N4BP2: variants seen among roughly 807,000 people sequenced by gnomAD.
N4BP2 encodes NEDD4 binding protein 2.
A neutral mutation model predicts 152.8 loss-of-function variants in N4BP2; 91 were observed. That is an observed-to-expected ratio of 0.60 (90% CI 0.50 to 0.71). The LOEUF (loss-of-function observed/expected upper bound fraction) is 0.71. Among genes scored for constraint, N4BP2 ranks in the 30% least tolerant of loss-of-function variants. The probability of loss-of-function intolerance (pLI) is 0.00; values close to 1 mark genes in which losing one functional copy is unlikely to be tolerated. For synonymous variants in N4BP2, 646 were observed against 705.3 expected (o/e 0.92, Z 1.33); for missense variants, 1,923 against 2,059.1 (o/e 0.93, Z 1.28).
chr4:40,118,147 G>GAGCCACCACACCCA, intron 8 of N4BP2, 123 bp downstream of exon 8: 3 of 789,624 alleles, frequency 3.8e-6, no homozygotes, highest in Non-Finnish European at 5.4e-6. Flanking sequence ...GGCTGGGTGT[G>GAGCCACCACACCCA]GTGGCTCACA....
chr4:40,101,316 T>C (rs180744059), intron 3 of N4BP2, among the ~76,000 whole-genome samples: 259 of 152,244 alleles, frequency 1.7e-3, no homozygotes, highest in African/African-American at 5.8e-3. Flanking sequence ...GCCGCCACTA[T>C]GCCCAGCTAA....
chr4:40,131,292 C>T (rs1718882717), intron 12 of N4BP2, among the ~76,000 whole-genome samples: 1 of 152,158 alleles, frequency 6.6e-6, no homozygotes, highest in Non-Finnish European at 1.5e-5. Context: ...TTGCTTTGGC[C>T]ACTAAGAGTC....
In N4BP2 at chr4:40,155,965, G is replaced by A. The variant is rs138170975; in HGVS notation, c.*1728G>A. ...TGAAGTATTATTCACACTTATGTTT[G>A]TAATAATTTATTTAAAGAATGCCAA... On this transcript the variant is annotated 3_prime_UTR_variant, in exon 18 of 18. Coordinates refer to ENST00000261435, the MANE Select transcript of N4BP2 (RefSeq NM_018177.6). The A allele has an allele frequency of 2.6e-5, 4 of 152,110 alleles. No homozygotes were observed. The highest frequency in any genetic ancestry group is 5.9e-5 in the Non-Finnish European group (4 of 68,006). 9.4% of individuals were successfully genotyped at this position (152,110 alleles called of 1,614,324 possible). A position where few individuals can be genotyped will look rare whatever the true frequency, so the allele number is the denominator to read the frequency against.
rs772151059 is a variant in N4BP2, at chr4:40,152,766, T to C, written c.5144-14T>C. On this transcript the variant is annotated splice_polypyrimidine_tract_variant and intron_variant, in intron 16 of 17. Coordinates refer to ENST00000261435, the MANE Select transcript of N4BP2 (RefSeq NM_018177.6). ...ATAAATGAATTTTAACTCCCCTGATTTCTGTTGTAACAGAATTTAAGCAGA... is the reference window on the plus strand; with the variant it reads ...ATAAATGAATTTTAACTCCCCTGATCTCTGTTGTAACAGAATTTAAGCAGA... 1.9e-6 allele frequency: 3 copies of C among 1,613,478 alleles called. No individual in the cohort carries two copies. The African/African-American group carries it at 4.0e-5, about 22-fold the overall frequency.
chr4:40,104,876 C>T (rs1327380727), intron 4 of N4BP2, among the ~76,000 whole-genome samples: 3 of 150,800 alleles, frequency 2.0e-5, no homozygotes, highest in Non-Finnish European at 4.4e-5. Flanking sequence ...GCGATCTCGG[C>T]TCACTGCAAG....
chr4:40,135,712 G>A (rs993794568), intron 13 of N4BP2, among the ~76,000 whole-genome samples: 8 of 152,262 alleles, frequency 5.3e-5, no homozygotes, highest in Admixed American at 3.9e-4. Context: ...ACAGGCGCCC[G>A]CCACCATGCC....
rs1409173035 is a variant in N4BP2, at chr4:40,102,554, A to G, written c.709A>G (p.Ser237Gly). ...FIKDNTLALE[S>G]NYPEDSLLSS... ...AAAGGATAACACATTGGCTTTGGAA[A>G]GTAACTACCCGGAAGATTCTCTTCT... Residue 237 changes from serine to glycine, a missense_variant, in exon 4 of 18, where the codon AGT (serine) becomes GGT (glycine). Transcript: ENST00000261435. The G allele has an allele frequency of 3.7e-6, 6 of 1,614,234 alleles. No homozygotes were observed. Among genetic ancestry groups the G allele is most frequent in the Middle Eastern group, 1.6e-4 (1 of 6,062 alleles).
At chr4:40,134,896 C>T (rs76067319) in intron 13 of N4BP2, among the ~76,000 whole-genome samples, 25,732 of 113,002 alleles carry the variant, frequency 0.23, 2,935 homozygotes, top group Admixed American at 0.32. Context: ...TCCCTTCCTT[C>T]CTTCCTTTCT....
chr4:40,165,389 C>T, the N4BP2 span, among the ~76,000 whole-genome samples: 1 of 152,122 alleles, frequency 6.6e-6, no homozygotes, highest in African/African-American at 2.4e-5. Context: ...GCTAGAACTA[C>T]AGGTGTGCGG....
At chr4:40,060,946 AT>A (rs946005526) in intron 1 of N4BP2, among the ~76,000 whole-genome samples, 1 of 151,976 alleles carries the variant, frequency 6.6e-6, no homozygotes, top group Non-Finnish European at 1.5e-5. Flanking sequence ...TCCTTTGATC[AT>A]GTATTAGCTG....
chr4:40,082,777 T>G (rs931260710), intron 2 of N4BP2, among the ~76,000 whole-genome samples: 2 of 151,884 alleles, frequency 1.3e-5, no homozygotes, highest in African/African-American at 4.8e-5. Context: ...CTCGGCTGAC[T>G]GCAAGCTCTG....
intron 16 of N4BP2, among the ~76,000 whole-genome samples, chr4:40,147,324 C>T (rs1720638033): frequency 6.6e-6 from 1 of 152,264 alleles, no homozygotes; most frequent in Non-Finnish European, 1.5e-5. Flanking sequence ...TCTACACAGA[C>T]ACAGCGACCA....
the N4BP2 span, among the ~76,000 whole-genome samples, chr4:40,175,552 G>A: frequency 6.6e-6 from 1 of 152,154 alleles, no homozygotes; most frequent in Admixed American, 6.5e-5. Context: ...GGGTCACTGA[G>A]GCTCATGCCT....
intron 1 of N4BP2, among the ~76,000 whole-genome samples, chr4:40,063,791 G>T (rs936577409): frequency 9.9e-5 from 15 of 151,842 alleles, no homozygotes; most frequent in African/African-American, 3.6e-4. Flanking sequence ...TTACAGGTGT[G>T]CATCACCACA....
chr4:40,062,900 G>A (rs1036965364), intron 1 of N4BP2, among the ~76,000 whole-genome samples: 1 of 152,110 alleles, frequency 6.6e-6, no homozygotes, highest in Non-Finnish European at 1.5e-5. Context: ...AGCACTCCAT[G>A]TTCTTTTATT....
the N4BP2 span, among the ~76,000 whole-genome samples, chr4:40,188,901 T>C: frequency 9.2e-5 from 14 of 152,078 alleles, no homozygotes; most frequent in Admixed American, 2.6e-4. Context: ...TCCCAACATT[T>C]TGGGAGGCCG....
In N4BP2 at chr4:40,102,359, A is replaced by C; in HGVS notation, c.514A>C (p.Ser172Arg). Residue 172 changes from serine to arginine, a missense_variant, in exon 4 of 18, where the codon AGT (serine) becomes CGT (arginine). Physicochemically the swap from Ser to Arg is moderately radical, Grantham distance 110 (BLOSUM62 -1). Coordinates refer to ENST00000261435, the MANE Select transcript of N4BP2 (RefSeq NM_018177.6). ...YSFLPSQDVN[S>R]FNDSSEFINP... ...ATTTTTGCCTTCACAAGATGTTAAT[A>C]GTTTTAATGACTCAAGTGAGTTTAT... The C allele has an allele frequency of 6.2e-7, 1 of 1,613,230 alleles. No homozygotes were observed. The highest frequency in any genetic ancestry group is 8.5e-7 in the Non-Finnish European group (1 of 1,179,766).
intron 4 of N4BP2, among the ~76,000 whole-genome samples, chr4:40,105,750 C>G (rs1465907602): frequency 1.3e-5 from 2 of 152,014 alleles, no homozygotes; most frequent in African/African-American, 4.8e-5. Context: ...AGAGTCTTAC[C>G]AGCTTGCCCA....
intron 5 of N4BP2, among the ~76,000 whole-genome samples, chr4:40,111,701 T>C (rs1365955196): frequency 7.2e-5 from 11 of 152,130 alleles, no homozygotes; most frequent in Non-Finnish European, 1.6e-4. Flanking sequence ...CTGCAACATC[T>C]GCCTCCTGGT....
Sources: gnomAD v4.1 joint callset for allele counts (sites outside exome capture counted in the v4.1 genomes callset) on GRCh38, gnomAD v4.1.1 for gene constraint, MANE v1.5 for transcripts, NCBI Gene and HGNC (gene_info 2026-07-23, HGNC 2026-07-21) for gene names.